Variants in UNC5D observed in about 807,000 individuals in gnomAD.
UNC5D encodes netrin receptor UNC5D.
In UNC5D, 39 loss-of-function variants were observed where a neutral mutation model predicts 105.4. The ratio of observed to expected loss-of-function variants is 0.37; its 90% CI spans 0.29 to 0.48. The LOEUF (loss-of-function observed/expected upper bound fraction) is 0.48, where lower values mean the gene tolerates loss of function less well. Ranked by LOEUF, UNC5D falls within the 20% of genes least tolerant of loss-of-function variation. UNC5D has a pLI of 0.98. For missense variants in UNC5D, 991 were observed against 1,202.4 expected, an observed-to-expected ratio of 0.82 and a Z score of 2.60; for synonymous variants, 452 against 450.4, an observed-to-expected ratio of 1.00 and a Z score of -0.04.
intron 13 of UNC5D, among the ~76,000 whole-genome samples, chr8:35,751,968 G>A (rs1191166399): frequency 1.3e-5 from 2 of 152,166 alleles, no homozygotes; most frequent in Non-Finnish European, 2.9e-5. Context: ...AACTAAAAGA[G>A]TTATTTGATG....
chr8:35,493,281 CAAAAAA>C (rs35199794), intron 1 of UNC5D, among the ~76,000 whole-genome samples: 1 of 67,152 alleles, frequency 1.5e-5, no homozygotes, highest in Admixed American at 1.8e-4. Flanking sequence ...AGTCTGTGAC[CAAAAAA>C]AAAAAAAAAA....
At chr8:35,753,422 C>T (rs1478939082) in intron 13 of UNC5D, among the ~76,000 whole-genome samples, 1 of 152,064 alleles carries the variant, frequency 6.6e-6, no homozygotes, top group Non-Finnish European at 1.5e-5. Context: ...TCGCCTGCCA[C>T]CATGCCTGGC....
At position 35,523,223 on chromosome 8, in the gene UNC5D, C is replaced by T. The variant is rs1813612072; in HGVS notation, c.104-26069C>T. On this transcript the variant is annotated intron_variant, in intron 1 of 16. Coordinates refer to ENST00000404895, the MANE Select transcript of UNC5D (RefSeq NM_080872.4). ...TCAGCCTCTCAGGTGGCTAGAACTA[C>T]AGGCACACACCACCACGTCTAGCTA... 2.0e-5 allele frequency among the ~76,000 whole-genome samples: 3 copies of T among 151,940 alleles called. No individual in the cohort carries two copies. The South Asian group carries it at 6.2e-4, about 32-fold the overall frequency.
At chr8:35,365,083 G>C (rs1027298384) in intron 1 of UNC5D, among the ~76,000 whole-genome samples, 2 of 152,100 alleles carry the variant, frequency 1.3e-5, no homozygotes, top group African/African-American at 4.8e-5. Context: ...TATATAATGT[G>C]TGAAACATGA....
intron 1 of UNC5D, among the ~76,000 whole-genome samples, chr8:35,274,962 G>C (rs982246880): frequency 6.6e-6 from 1 of 151,764 alleles, no homozygotes; most frequent in Non-Finnish European, 1.5e-5. Flanking sequence ...GTAGTGGCAG[G>C]TGCCTGTAAT....
chr8:35,507,589 G>C (rs1812416359), intron 1 of UNC5D, among the ~76,000 whole-genome samples: 1 of 151,628 alleles, frequency 6.6e-6, no homozygotes, highest in African/African-American at 2.4e-5. Flanking sequence ...CAGAAGGATG[G>C]TTACCAAAGG....
intron 4 of UNC5D, among the ~76,000 whole-genome samples, chr8:35,631,843 T>A (rs1222952600): frequency 6.6e-6 from 1 of 152,248 alleles, no homozygotes; most frequent in Non-Finnish European, 1.5e-5. Context: ...GGTTTGTTCT[T>A]GCCCTTTCTT....
intron 1 of UNC5D, among the ~76,000 whole-genome samples, chr8:35,366,576 T>G (rs374824374): frequency 2.2e-4 from 34 of 152,248 alleles, no homozygotes; most frequent in South Asian, 1.2e-3. Flanking sequence ...CTGTAAAGTC[T>G]TTGTTTGCAA....
At chr8:35,628,123 AC>A (rs1821804550) in intron 4 of UNC5D, among the ~76,000 whole-genome samples, 2 of 120,342 alleles carry the variant, frequency 1.7e-5, no homozygotes, top group Non-Finnish European at 3.7e-5. Context: ...TTATTTATTT[AC>A]TTACTTACTT....
At chr8:35,561,666 G>GA (rs943043413) in intron 2 of UNC5D, among the ~76,000 whole-genome samples, 14 of 152,132 alleles carry the variant, frequency 9.2e-5, no homozygotes, top group African/African-American at 4.8e-5. Context: ...TTTCCAAGCT[G>GA]AAAAAAATCA....
Position 35,677,337 on chromosome 8 carries a change from C to T in UNC5D, c.571-6210C>T, listed in dbSNP as rs570680229. On this transcript the variant is annotated intron_variant, in intron 4 of 16. Transcript: ENST00000404895. The stretch of plus-strand genomic sequence containing the variant: ...GTGTGAGCTCATTCCTCTGTGGAAA[C>T]GCAGAACAGTCCCTTGTCTTTAACA... Among the ~76,000 whole-genome samples the T allele has an allele frequency of 5.3e-5, 8 of 152,144 alleles. No individual in the cohort carries two copies. The South Asian group carries it at 1.0e-3, about 20-fold the overall frequency.
intron 15 of UNC5D, among the ~76,000 whole-genome samples, chr8:35,768,533 C>T (rs992925999): frequency 2.6e-5 from 4 of 152,182 alleles, no homozygotes; most frequent in East Asian, 1.9e-4. Context: ...AAAGATCCCT[C>T]TCATCCAAAT....
intron 1 of UNC5D, among the ~76,000 whole-genome samples, chr8:35,477,728 A>AT (rs1810209549): frequency 6.6e-6 from 1 of 152,100 alleles, no homozygotes; most frequent in African/African-American, 2.4e-5. Flanking sequence ...TTATTCTGTG[A>AT]TTTTTACCAA....
At chr8:35,340,511 T>C (rs1031711831) in intron 1 of UNC5D, among the ~76,000 whole-genome samples, 5 of 152,256 alleles carry the variant, frequency 3.3e-5, no homozygotes, top group East Asian at 3.9e-4. Context: ...GATGAAAACA[T>C]TGGAGAAAGT....
chr8:35,789,807 G>T (rs535059041), intron 16 of UNC5D, among the ~76,000 whole-genome samples: 9 of 151,820 alleles, frequency 5.9e-5, no homozygotes, highest in Non-Finnish European at 2.9e-5. Context: ...AAGTAGAGAG[G>T]GGTCAAATAT....
At chr8:35,453,587 G>A (rs1337336591) in intron 1 of UNC5D, among the ~76,000 whole-genome samples, 4 of 152,118 alleles carry the variant, frequency 2.6e-5, no homozygotes, top group Admixed American at 6.6e-5. Context: ...TTTTAAATTT[G>A]TATCCTGGGA....
chr8:35,698,236 CTTTT>C (rs397893134), intron 7 of UNC5D, among the ~76,000 whole-genome samples: 3 of 139,820 alleles, frequency 2.1e-5, no homozygotes. Context: ...CACATAGCTC[CTTTT>C]TTTTTTTTTT....
intron 4 of UNC5D, among the ~76,000 whole-genome samples, chr8:35,602,337 C>CT (rs1819945573): frequency 6.6e-6 from 1 of 152,110 alleles, no homozygotes; most frequent in African/African-American, 2.4e-5. Flanking sequence ...AGGATTCCCT[C>CT]TTTTTTCTAT....
intron 1 of UNC5D, among the ~76,000 whole-genome samples, chr8:35,405,185 G>T (rs1804724950): frequency 6.6e-6 from 1 of 152,140 alleles, no homozygotes. Flanking sequence ...TGCCCAAATA[G>T]TGGTAGCTGC....
Sources: allele counts gnomAD v4.1 joint callset (sites outside exome capture counted in the v4.1 genomes callset), GRCh38; gene constraint gnomAD v4.1.1; transcripts MANE v1.5; gene names NCBI Gene and HGNC (gene_info 2026-07-23, HGNC 2026-07-21).